Variants in PANK3 observed in about 807,000 individuals in gnomAD.
PANK3 encodes the protein pantothenate kinase 3.
PANK3 carries 20 observed loss-of-function variants against 39.4 expected under a neutral mutation model. That is an observed-to-expected ratio of 0.51 (90% confidence interval 0.36 to 0.74). The LOEUF (loss-of-function observed/expected upper bound fraction) is 0.74. Among genes scored for constraint, PANK3 ranks in the 30% least tolerant of loss-of-function variants. The probability of loss-of-function intolerance (pLI) is 0.00; values close to 1 mark genes in which losing one functional copy is unlikely to be tolerated. For missense variants in PANK3, 265 were observed against 437.0 expected (o/e 0.61, Z 3.51); for synonymous variants, 140 against 157.3 (o/e 0.89, Z 0.82).
intron 1 of PANK3, among the ~76,000 whole-genome samples, chr5:168,576,299 T>A (rs1759729859): frequency 6.6e-6 from 1 of 152,244 alleles, no homozygotes. Flanking sequence ...CTACTTGGGT[T>A]AATAAAGCAC....
Position 168,552,132 on chromosome 5 carries a change from A to T in PANK3, c.*5439T>A, listed in dbSNP as rs1759281007. 1 of 152,200 alleles carries T rather than the reference A, an allele frequency of 6.6e-6. No homozygotes were observed. The highest frequency in any genetic ancestry group is 2.4e-5 in the African/African-American group (1 of 41,456). The allele number at this position is 152,200 out of a possible 1,614,324, so 9.4% of individuals were successfully genotyped here. A position where few individuals can be genotyped will look rare whatever the true frequency, so the allele number is the denominator to read the frequency against. ...GCAAACTGACAGTGGTTGCATTTGA[A>T]AAAGTTACCAGATTTTTTAAGAATG... On this transcript the variant is annotated 3_prime_UTR_variant, in exon 7 of 7. Transcript: ENST00000239231.
At chr5:168,558,978 T>C in intron 6 of PANK3, 54 bp downstream of exon 6, 3 of 1,558,414 alleles carry the variant, frequency 1.9e-6, no homozygotes, top group Non-Finnish European at 2.6e-6. Context: ...AGCAAGACCC[T>C]GTCTCTTAAA....
intron 6 of PANK3, among the ~76,000 whole-genome samples, chr5:168,558,199 G>A (rs1303451424): frequency 6.7e-6 from 1 of 148,804 alleles, no homozygotes; most frequent in Non-Finnish European, 1.5e-5. Flanking sequence ...CACCCAGGCT[G>A]GAGTGGCTGG....
chr5:168,559,149 G>C lies in PANK3; in HGVS notation c.945C>G (p.Asn315Lys). ...AAAAGTTTCCAACAAAGACAACTCT[G>C]TTTATTTTCTAAAAGAAAAGAACAA... ...ARMCAVNEKI[N>K]RVVFVGNFLR... Residue 315 changes from asparagine to lysine, a missense_variant, in exon 6 of 7, where the codon AAC becomes AAG. Transcript: ENST00000239231. 1 of 1,526,304 alleles carries C rather than the reference G, an allele frequency of 6.6e-7. No homozygotes were observed. The highest frequency in any genetic ancestry group is 1.9e-5 in the Admixed American group (1 of 52,358). The allele number at this position is 1,526,304 out of a possible 1,614,324, so 94.5% of individuals were successfully genotyped here.
chr5:168,554,144 A>G lies in PANK3; in HGVS notation c.*3427T>C. The G allele has an allele frequency of 6.6e-6, 1 of 152,198 alleles. No homozygotes were observed. The highest frequency in any genetic ancestry group is 1.9e-4 in the East Asian group (1 of 5,190). 9.4% of individuals were successfully genotyped at this position (152,198 alleles called of 1,614,324 possible). On this transcript the variant is annotated 3_prime_UTR_variant, in exon 7 of 7. Coordinates refer to ENST00000239231, the MANE Select transcript of PANK3 (RefSeq NM_024594.4). ...TTTGTATTTTTGATAGTGATTACAA[A>G]GTTTTTCAGATTTTTATGTTGGCAA...
chr5:168,560,876 A>AT (rs747710158), intron 5 of PANK3: 2 of 448,006 alleles, frequency 4.5e-6, no homozygotes, highest in Non-Finnish European at 9.7e-6. Flanking sequence ...CACCACTCAA[A>AT]TATCATGAAG....
intron 1 of PANK3, among the ~76,000 whole-genome samples, chr5:168,570,095 T>C (rs1204229069): frequency 6.6e-6 from 1 of 151,874 alleles, no homozygotes; most frequent in Non-Finnish European, 1.5e-5. Flanking sequence ...ATAATCATTA[T>C]CTCCAGGCCG....
At chr5:168,566,726 C>T (rs1759541822) in intron 2 of PANK3, among the ~76,000 whole-genome samples, 1 of 152,130 alleles carries the variant, frequency 6.6e-6, no homozygotes, top group South Asian at 2.1e-4. Flanking sequence ...CCTATGGATT[C>T]AGTCACTCCA....
rs745725545 is a variant in PANK3 at position 168,566,069 on chromosome 5, T to C, written c.579A>G (p.Gly193=). ...TGGAATGGACTGCTAAAATACTGACTCCTGAGCCAATGTTCACTACAAGCA... is the reference window on the plus strand; with the variant it reads ...TGGAATGGACTGCTAAAATACTGACCCCTGAGCCAATGTTCACTACAAGCA... The part of the protein sequence containing the change: ...YPLLVVNIGS[G]VSILAVHSKD... Residue 193 remains glycine, a synonymous_variant, in exon 3 of 7, where the codon GGA becomes GGG. Coordinates refer to ENST00000239231, the MANE Select transcript of PANK3 (RefSeq NM_024594.4). The C allele has an allele frequency of 6.2e-7, 1 of 1,613,806 alleles. No individual in the cohort carries two copies.
intron 1 of PANK3, among the ~76,000 whole-genome samples, chr5:168,576,940 C>A (rs748587543): frequency 1.3e-5 from 2 of 151,810 alleles, no homozygotes; most frequent in Non-Finnish European, 2.9e-5. Context: ...AGTGCAGTGG[C>A]GTGATCTCGG....
chr5:168,578,081 A>T (rs908747238), intron 1 of PANK3, among the ~76,000 whole-genome samples: 2 of 152,250 alleles, frequency 1.3e-5, no homozygotes, highest in Admixed American at 1.3e-4. Context: ...TACTTAGACA[A>T]TGCTCTATGG....
chr5:168,579,247 C>G lies in PANK3; in HGVS notation c.28+9G>C. The G allele has an allele frequency of 6.7e-7, 1 of 1,491,674 alleles. No individual in the cohort carries two copies. The highest frequency in any genetic ancestry group is 1.3e-5 in the South Asian group (1 of 76,470). The allele number at this position is 1,491,674 out of a possible 1,614,324, so 92.4% of individuals were successfully genotyped here. A position where few individuals can be genotyped will look rare whatever the true frequency, so the allele number is the denominator to read the frequency against. On this transcript the variant is annotated intron_variant, in intron 1 of 6. Coordinates refer to ENST00000239231, the MANE Select transcript of PANK3 (RefSeq NM_024594.4). ...CTCCCAACCTGGCGGGCCCCAGCCCCCGTCTTACAGGGTTTCTTGGCATCT... is the reference window on the plus strand; with the variant it reads ...CTCCCAACCTGGCGGGCCCCAGCCCGCGTCTTACAGGGTTTCTTGGCATCT...
intron 1 of PANK3, 50 bp downstream of exon 1, chr5:168,579,205 CG>C (rs1239847010): frequency 2.8e-5 from 41 of 1,455,798 alleles, no homozygotes; most frequent in Non-Finnish European, 3.7e-5. Flanking sequence ...GGCTTTCAGA[CG>C]GGGCCCAAGG....
chr5:168,572,937 G>A lies in PANK3; in HGVS notation c.29-3939C>T, dbSNP rs550108091. Among the ~76,000 whole-genome samples the A allele has an allele frequency of 3.4e-4, 52 of 152,142 alleles. No homozygotes were observed. The South Asian group carries it at 0.011, about 31-fold the overall frequency. On this transcript the variant is annotated intron_variant, in intron 1 of 6. Transcript: ENST00000239231. ...AACTGAAGAAAGATTTTGTGGTAAGGGGTGATATTGTGGGGTTGTTAGAAG... is the reference window on the plus strand; with the variant it reads ...AACTGAAGAAAGATTTTGTGGTAAGAGGTGATATTGTGGGGTTGTTAGAAG...
In PANK3 at chr5:168,569,008, GAAAAAAAAA is replaced by G. The variant is rs368234880; in HGVS notation, c.29-19_29-11del. The G allele has an allele frequency of 6.5e-4, 59 of 91,258 alleles. No homozygotes were observed. Among genetic ancestry groups the G allele is most frequent in the African/African-American group, 3.0e-3 (43 of 14,256 alleles). 5.7% of individuals were successfully genotyped at this position (91,258 alleles called of 1,614,324 possible). On this transcript the variant is annotated splice_polypyrimidine_tract_variant and intron_variant, in intron 1 of 6. Transcript: ENST00000239231. ...CCAAACCATGGGAAAGCTATGGGAG[GAAAAAAAAA>G]AAAAAAAAAAAAAATATATATATAT...
chr5:168,571,235 A>C (rs908987170), intron 1 of PANK3, among the ~76,000 whole-genome samples: 5 of 152,226 alleles, frequency 3.3e-5, no homozygotes, highest in Non-Finnish European at 5.9e-5. Flanking sequence ...TTCCCAAGGA[A>C]GTCAGTATTA....
chr5:168,550,377 C>T lies in PANK3; in HGVS notation c.*7194G>A, dbSNP rs2113093923. ...ACAATGGGTCTACTGGAACATAACC[C>T]TATTGTAAGTCAAGGAACATCTGTA... On this transcript the variant is annotated 3_prime_UTR_variant, in exon 7 of 7. Coordinates refer to ENST00000239231, the MANE Select transcript of PANK3 (RefSeq NM_024594.4). 6.6e-6 allele frequency: 1 copy of T among 152,216 alleles called. No homozygotes were observed. The highest frequency in any genetic ancestry group is 2.1e-4 in the South Asian group (1 of 4,818). The allele number at this position is 152,216 out of a possible 1,614,324, so 9.4% of individuals were successfully genotyped here.
rs1759252552 is a variant in PANK3 at position 168,549,962 on chromosome 5, C to T, written c.*7609G>A. The T allele has an allele frequency of 2.0e-5, 3 of 152,088 alleles. No homozygotes were observed. The highest frequency in any genetic ancestry group is 2.0e-4 in the Admixed American group (3 of 15,262). The allele number at this position is 152,088 out of a possible 1,614,324, so 9.4% of individuals were successfully genotyped here. A position where few individuals can be genotyped will look rare whatever the true frequency, so the allele number is the denominator to read the frequency against. On this transcript the variant is annotated 3_prime_UTR_variant, in exon 7 of 7. Transcript: ENST00000239231. ...ACATGGTTCTTCCCACATCTATCCC[C>T]ACTCACAATGATCAGAAATAAGAAA...
At position 168,551,796 on chromosome 5, in the gene PANK3, TAG is replaced by T. The variant is rs1200455008; in HGVS notation, c.*5773_*5774del. On this transcript the variant is annotated 3_prime_UTR_variant, in exon 7 of 7. Coordinates refer to ENST00000239231, the MANE Select transcript of PANK3 (RefSeq NM_024594.4). The stretch of plus-strand genomic sequence containing the variant: ...AGAAAAAAAACCTCAGAAATTTTTA[TAG>T]AGTCTAATATTTGGCAAATAATCTG... 1 of 152,170 alleles carries T rather than the reference TAG, an allele frequency of 6.6e-6. No individual in the cohort carries two copies. Among genetic ancestry groups the T allele is most frequent in the Non-Finnish European group, 1.5e-5 (1 of 68,030 alleles). 9.4% of individuals were successfully genotyped at this position (152,170 alleles called of 1,614,324 possible). A position where few individuals can be genotyped will look rare whatever the true frequency, so the allele number is the denominator to read the frequency against.
Sources: allele counts gnomAD v4.1 joint callset (sites outside exome capture counted in the v4.1 genomes callset), GRCh38; gene constraint gnomAD v4.1.1; transcripts MANE v1.5; gene names NCBI Gene and HGNC (gene_info 2026-07-23, HGNC 2026-07-21).